Variants in SDK1 observed in about 807,000 individuals in gnomAD.
SDK1 encodes sidekick cell adhesion molecule 1.
Under a neutral mutation model 245.5 loss-of-function variants are expected in SDK1, and 157 were observed. That is an observed-to-expected ratio of 0.64 (90% CI 0.56 to 0.73). The LOEUF (loss-of-function observed/expected upper bound fraction) is 0.73, where lower values mean the gene tolerates loss of function less well. Ranked by LOEUF, SDK1 falls within the 30% of genes least tolerant of loss-of-function variation. SDK1 has a pLI of 0.00. For missense variants in SDK1, 3,583 were observed against 3,002.3 expected, an observed-to-expected ratio of 1.19 and a Z score of -4.52; for synonymous variants, 1,647 against 1,278.5, an observed-to-expected ratio of 1.29 and a Z score of -6.15.
chr7:3,736,989 T>C (rs1383493463), intron 4 of SDK1, among the ~76,000 whole-genome samples: 2 of 152,242 alleles, frequency 1.3e-5, no homozygotes, highest in Non-Finnish European at 2.9e-5. Flanking sequence ...AGTTGTACTT[T>C]TTTAGATTTC....
intron 1 of SDK1, among the ~76,000 whole-genome samples, chr7:3,509,603 C>T (rs1222863303): frequency 6.6e-6 from 1 of 152,098 alleles, no homozygotes; most frequent in African/African-American, 2.4e-5. Flanking sequence ...ACGAAGTGTC[C>T]CTCCAGTAGC....
At chr7:3,744,854 A>G (rs1779575277) in intron 4 of SDK1, among the ~76,000 whole-genome samples, 1 of 152,088 alleles carries the variant, frequency 6.6e-6, no homozygotes, top group Non-Finnish European at 1.5e-5. Context: ...AAAAAGAAAA[A>G]CAATTTAAAA....
At chr7:3,871,044 C>G (rs538383169) in intron 5 of SDK1, among the ~76,000 whole-genome samples, 2 of 152,244 alleles carry the variant, frequency 1.3e-5, no homozygotes, top group South Asian at 2.1e-4. Context: ...CATGCTGTAC[C>G]TCTCTGTTTA....
chr7:3,885,996 T>G (rs1781330296), intron 5 of SDK1, among the ~76,000 whole-genome samples: 1 of 152,122 alleles, frequency 6.6e-6, no homozygotes, highest in Non-Finnish European at 1.5e-5. Flanking sequence ...TGCAAGGGGT[T>G]TATCGAGGAG....
rs745305767 is a variant in SDK1, at chr7:3,370,923, T to C, written c.298+69039T>C. On this transcript the variant is annotated intron_variant, in intron 1 of 44. Coordinates refer to ENST00000404826, the MANE Select transcript of SDK1 (RefSeq NM_152744.4). ...TCCACTAGCTCCTTTCTCTCCACTT[T>C]GACTTAAAAACCCAAACTCCCAACA... Among the ~76,000 whole-genome samples, 40 of 152,240 alleles carry C rather than the reference T, an allele frequency of 2.6e-4. 1 individual carries two copies. The highest frequency in any genetic ancestry group is 2.9e-4 in the Non-Finnish European group (20 of 68,014).
At chr7:3,635,880 A>AT (rs1294934483) in intron 2 of SDK1, among the ~76,000 whole-genome samples, 18 of 151,898 alleles carry the variant, frequency 1.2e-4, no homozygotes, top group Middle Eastern at 6.8e-3. Flanking sequence ...TAATTTTTGT[A>AT]TTTTTTGTAG....
intron 41 of SDK1, 30 bp downstream of exon 41, chr7:4,233,449 T>C (rs13244443): frequency 3.8e-6 from 6 of 1,576,878 alleles, no homozygotes; most frequent in African/African-American, 1.4e-5. Flanking sequence ...TCTGTCTTCT[T>C]CTGGAGGACT....
chr7:3,545,098 T>C (rs1207664102), intron 1 of SDK1, among the ~76,000 whole-genome samples: 1 of 152,126 alleles, frequency 6.6e-6, no homozygotes, highest in African/African-American at 2.4e-5. Context: ...GGCGGCAGTA[T>C]TGGCACCACA....
chr7:3,722,640 C>T (rs1234197258), intron 4 of SDK1, among the ~76,000 whole-genome samples: 2 of 152,172 alleles, frequency 1.3e-5, no homozygotes, highest in Admixed American at 6.5e-5. Context: ...GCTTATAAAG[C>T]GCTGTGGTGT....
At chr7:3,952,515 A>T (rs914814883) in intron 7 of SDK1, among the ~76,000 whole-genome samples, 5 of 152,324 alleles carry the variant, frequency 3.3e-5, no homozygotes, top group African/African-American at 9.6e-5. Context: ...CCCAGGAGGC[A>T]GAGGTTGCAG....
chr7:3,581,375 C>T (rs1181794557), intron 1 of SDK1, among the ~76,000 whole-genome samples: 2 of 152,160 alleles, frequency 1.3e-5, no homozygotes, highest in African/African-American at 4.8e-5. Context: ...AAGACATATG[C>T]AGCCAACAAG....
rs1044398535 is a variant in SDK1 at position 3,727,738 on chromosome 7, G to A, written c.713+85633G>A. 1.1e-4 allele frequency among the ~76,000 whole-genome samples: 16 copies of A among 152,052 alleles called. No homozygotes were observed. The South Asian group carries it at 2.7e-3, about 26-fold the overall frequency. On this transcript the variant is annotated intron_variant, in intron 4 of 44. Transcript: ENST00000404826. The stretch of plus-strand genomic sequence containing the variant: ...ACTCCTGACCTCGGGTGATCCACCC[G>A]CCTCAGCCTCCCAAAGTGCTGGGAT...
rs547472440 is a variant in SDK1 at position 3,660,768 on chromosome 7, C to G, written c.713+18663C>G. Among the ~76,000 whole-genome samples, 22 of 152,324 alleles carry G rather than the reference C, an allele frequency of 1.4e-4. 1 individual carries two copies. The highest frequency in any genetic ancestry group is 3.8e-4 in the African/African-American group (16 of 41,568). ...CTTTGTCATCGCTGACGGAACTGCACTGTTTTACCTTGGAAGGTTATAAAT... is the reference window on the plus strand; with the variant it reads ...CTTTGTCATCGCTGACGGAACTGCAGTGTTTTACCTTGGAAGGTTATAAAT... On this transcript the variant is annotated intron_variant, in intron 4 of 44. Coordinates refer to ENST00000404826, the MANE Select transcript of SDK1 (RefSeq NM_152744.4).
In SDK1 at chr7:3,809,207, C is replaced by G. The variant is rs114442294; in HGVS notation, c.714-12243C>G. Among the ~76,000 whole-genome samples the G allele has an allele frequency of 4.6e-5, 7 of 152,064 alleles. No homozygotes were observed. In the East Asian group the frequency reaches 1.2e-3, roughly 25 times the overall value. ...TGGCGAGAGCAGGAGCAAGAGGGAA[C>G]GAGAGAAGGGGGAGGTGCCACACAC... is the stretch of plus-strand genomic sequence containing the variant. On this transcript the variant is annotated intron_variant, in intron 4 of 44. Coordinates refer to ENST00000404826, the MANE Select transcript of SDK1 (RefSeq NM_152744.4).
intron 5 of SDK1, among the ~76,000 whole-genome samples, chr7:3,870,847 G>A (rs1306285777): frequency 6.6e-6 from 1 of 152,162 alleles, no homozygotes; most frequent in African/African-American, 2.4e-5. Context: ...GTTGTTTTAT[G>A]TTCTTAGTCT....
intron 5 of SDK1, among the ~76,000 whole-genome samples, chr7:3,883,187 C>T (rs1000217619): frequency 6.6e-6 from 1 of 152,182 alleles, no homozygotes; most frequent in Non-Finnish European, 1.5e-5. Flanking sequence ...GGACCCCACA[C>T]ACACAGGCTT....
rs771878974 is a variant in SDK1 at position 3,783,392 on chromosome 7, G to A, written c.714-38058G>A. On this transcript the variant is annotated intron_variant, in intron 4 of 44. Coordinates refer to ENST00000404826, the MANE Select transcript of SDK1 (RefSeq NM_152744.4). ...GCAAGAAAAATAAATAGAAGGCATCGTAATAGGAAAGGAAGAGCTGAAGTT... is the reference window on the plus strand; with the variant it reads ...GCAAGAAAAATAAATAGAAGGCATCATAATAGGAAAGGAAGAGCTGAAGTT... Among the ~76,000 whole-genome samples, 82 of 151,748 alleles carry A rather than the reference G, an allele frequency of 5.4e-4. 1 individual carries two copies. Among genetic ancestry groups the A allele is most frequent in the South Asian group, 2.3e-3 (11 of 4,792 alleles).
At chr7:3,608,624 T>C (rs191818308) in intron 1 of SDK1, among the ~76,000 whole-genome samples, 3,253 of 151,522 alleles carry the variant, frequency 0.021, 49 homozygotes, top group Non-Finnish European at 0.033. Flanking sequence ...TAATTTGTGA[T>C]ATTTTTTACA....
chr7:3,771,298 T>A (rs1780399875), intron 4 of SDK1, among the ~76,000 whole-genome samples: 2 of 152,068 alleles, frequency 1.3e-5, no homozygotes, highest in Admixed American at 1.3e-4. Flanking sequence ...TGGCAAGCCA[T>A]CACCTCACTT....
Sources: allele counts gnomAD v4.1 joint callset (sites outside exome capture counted in the v4.1 genomes callset), GRCh38; gene constraint gnomAD v4.1.1; transcripts MANE v1.5; gene names NCBI Gene and HGNC (gene_info 2026-07-23, HGNC 2026-07-21).